The following MERTK variants were observed in gnomAD, a reference collection of about 807,000 sequenced individuals.
MERTK encodes the protein MER proto-oncogene, tyrosine kinase.
Under a neutral mutation model 99.3 loss-of-function variants are expected in MERTK, and 69 were observed. The ratio of observed to expected loss-of-function variants is 0.70; its 90% CI spans 0.57 to 0.85. The LOEUF is 0.85. Among genes scored for constraint, MERTK ranks in the 40% least tolerant of loss-of-function variants. MERTK has a pLI of 0.00. For missense variants in MERTK, 1,125 were observed against 1,249.4 expected (o/e 0.90, Z 1.50); for synonymous variants, 426 against 467.6 (o/e 0.91, Z 1.15).
intron 8 of MERTK, among the ~76,000 whole-genome samples, chr2:111,986,670 C>T (rs558858256): frequency 6.6e-6 from 1 of 152,290 alleles, no homozygotes; most frequent in African/African-American, 2.4e-5. Context: ...TTCTCATTGC[C>T]CTTTGTTCAG....
intron 1 of MERTK, among the ~76,000 whole-genome samples, chr2:111,917,376 G>A (rs534781854): frequency 4.6e-5 from 7 of 152,250 alleles, no homozygotes; most frequent in African/African-American, 1.4e-4. Flanking sequence ...GGATGGGGAC[G>A]GGGCCGTGAT....
chr2:111,945,126 T>A, intron 3 of MERTK, 66 bp downstream of exon 3: 2 of 1,248,162 alleles, frequency 1.6e-6, no homozygotes, highest in African/African-American at 3.0e-5. Context: ...GTTAAATGTT[T>A]TGTGTATAAT....
chr2:112,026,894 G>A (rs771515671), intron 18 of MERTK, among the ~76,000 whole-genome samples: 5 of 152,192 alleles, frequency 3.3e-5, no homozygotes, highest in Non-Finnish European at 1.5e-5. Context: ...CTGTTCGTAA[G>A]ATGCTAGTAA....
At chr2:111,974,491 T>A (rs1004602044) in intron 6 of MERTK, among the ~76,000 whole-genome samples, 1 of 151,352 alleles carries the variant, frequency 6.6e-6, no homozygotes, top group Admixed American at 6.6e-5. Context: ...TAAGAAACGC[T>A]GGGTGTGGTG....
chr2:111,967,622 C>T (rs1413291451), intron 5 of MERTK, among the ~76,000 whole-genome samples: 4 of 152,112 alleles, frequency 2.6e-5, no homozygotes, highest in African/African-American at 9.7e-5. Flanking sequence ...GGAAAGCTCC[C>T]CCTACACATG....
At chr2:111,901,458 C>T (rs1279401940) in intron 1 of MERTK, among the ~76,000 whole-genome samples, 1 of 151,646 alleles carries the variant, frequency 6.6e-6, no homozygotes, top group African/African-American at 2.4e-5. Flanking sequence ...GCTTCAAATG[C>T]TTTTTGAAAG....
intron 4 of MERTK, among the ~76,000 whole-genome samples, chr2:111,956,531 A>G (rs1056508193): frequency 2.0e-5 from 3 of 152,338 alleles, no homozygotes; most frequent in East Asian, 1.9e-4. Context: ...GGATATAATT[A>G]TTAATATCCT....
rs527932270 is a variant in MERTK at position 111,916,670 on chromosome 2, G to C, written c.62-12450G>C. Among the ~76,000 whole-genome samples, 116 of 152,110 alleles carry C rather than the reference G, an allele frequency of 7.6e-4. 1 individual carries two copies. Among genetic ancestry groups the C allele is most frequent in the African/African-American group, 2.5e-3 (102 of 41,502 alleles). On this transcript the variant is annotated intron_variant, in intron 1 of 18. Transcript: ENST00000295408. ...TGTTCATTTAAATATTTTTATGATTGCTTCTTTAAAAGATTTTTCAGAAGA... is the reference window on the plus strand; with the variant it reads ...TGTTCATTTAAATATTTTTATGATTCCTTCTTTAAAAGATTTTTCAGAAGA...
At chr2:112,005,340 G>A (rs1676959284) in intron 13 of MERTK, among the ~76,000 whole-genome samples, 1 of 152,142 alleles carries the variant, frequency 6.6e-6, no homozygotes, top group African/African-American at 2.4e-5. Context: ...CCAAAGTTCT[G>A]GGATTACAGG....
chr2:111,944,012 C>G (rs1309078245), intron 2 of MERTK, among the ~76,000 whole-genome samples: 1 of 151,988 alleles, frequency 6.6e-6, no homozygotes, highest in Non-Finnish European at 1.5e-5. Flanking sequence ...GAAATCAAGA[C>G]AGGTGGCCGG....
At chr2:111,920,350 G>A (rs1386519582) in intron 1 of MERTK, among the ~76,000 whole-genome samples, 1 of 152,062 alleles carries the variant, frequency 6.6e-6, no homozygotes, top group Admixed American at 6.5e-5. Context: ...TCCTGCAAGC[G>A]CCAGGCCTGT....
chr2:111,908,001 G>T (rs955733387), intron 1 of MERTK, among the ~76,000 whole-genome samples: 2 of 152,138 alleles, frequency 1.3e-5, no homozygotes, highest in African/African-American at 2.4e-5. Context: ...CACCTCTTTC[G>T]TTACACTCCA....
chr2:111,978,232 A>T (rs1644141188), intron 7 of MERTK, among the ~76,000 whole-genome samples: 1 of 151,280 alleles, frequency 6.6e-6, no homozygotes, highest in African/African-American at 2.4e-5. Flanking sequence ...TCACCGCAAC[A>T]TCTGCCTCCT....
intron 15 of MERTK, among the ~76,000 whole-genome samples, chr2:112,014,114 T>C (rs1677164532): frequency 1.3e-5 from 2 of 150,862 alleles, no homozygotes; most frequent in African/African-American, 4.9e-5. Flanking sequence ...CTCCACCTCC[T>C]GGGTTCACGC....
Position 111,968,677 on chromosome 2 carries a change from G to A in MERTK, c.960+425G>A, listed in dbSNP as rs148518531. ...CCTGAGTAGCTGAGATTACAGGCGT[G>A]CATCACCATGCCCGGCTAAGTTTGC... On this transcript the variant is annotated intron_variant, in intron 6 of 18. Transcript: ENST00000295408. Among the ~76,000 whole-genome samples the A allele has an allele frequency of 6.5e-3, 985 of 152,240 alleles. 13 individuals are homozygous for A. Among genetic ancestry groups the A allele is most frequent in the African/African-American group, 0.023 (949 of 41,528 alleles).
intron 7 of MERTK, 64 bp downstream of exon 7, chr2:111,975,536 A>G (rs767914205): frequency 1.3e-6 from 2 of 1,553,006 alleles, no homozygotes; most frequent in Middle Eastern, 2.0e-4. Context: ...AACCCTTCCC[A>G]GTGGCCTGAC....
rs11354849 is a variant in MERTK, at chr2:111,925,835, A to AT, written c.62-3272dup. Among the ~76,000 whole-genome samples, 1,094 of 145,744 alleles carry AT rather than the reference A, an allele frequency of 7.5e-3. 14 individuals carry two copies. Among genetic ancestry groups the AT allele is most frequent in the African/African-American group, 0.024 (950 of 39,492 alleles). On this transcript the variant is annotated intron_variant, in intron 1 of 18. Coordinates refer to ENST00000295408, the MANE Select transcript of MERTK (RefSeq NM_006343.3). ...ACAGACTTTATTATTATTTTTTTTA[A>AT]TTTTTTTTTTTTTCTGAGACAGAGT...
intron 6 of MERTK, 77 bp from the exon 7 acceptor site, chr2:111,975,212 C>T (rs1573613395): frequency 3.5e-6 from 5 of 1,409,742 alleles, no homozygotes; most frequent in Non-Finnish European, 5.0e-6. Flanking sequence ...CCACGTGCAC[C>T]GAATGCACAC....
chr2:111,901,380 T>C (rs1004120853), intron 1 of MERTK, among the ~76,000 whole-genome samples: 4 of 152,192 alleles, frequency 2.6e-5, no homozygotes, highest in Non-Finnish European at 5.9e-5. Context: ...TGTATTCCAG[T>C]ATATTGTAAA....
Sources: gnomAD v4.1 joint callset for allele counts (sites outside exome capture counted in the v4.1 genomes callset) on GRCh38, gnomAD v4.1.1 for gene constraint, MANE v1.5 for transcripts, NCBI Gene and HGNC (gene_info 2026-07-23, HGNC 2026-07-21) for gene names.